PCED1B: variants seen among roughly 807,000 people sequenced by gnomAD.
PCED1B encodes PC-esterase domain-containing protein 1B.
For synonymous variants in PCED1B, 251 were observed against 246.1 expected, an observed-to-expected ratio of 1.02 and a Z score of -0.19; for missense variants, 573 against 573.9, an observed-to-expected ratio of 1.00 and a Z score of 0.02.
At chr12:47,135,777 G>A (rs573822006) in intron 2 of PCED1B, 10 of 521,900 alleles carry the variant, frequency 1.9e-5, no homozygotes, top group Middle Eastern at 3.8e-4. Context: ...CATGGTGAAC[G>A]CTGGAGGCAC....
chr12:47,146,062 A>G (rs917687528), intron 2 of PCED1B, among the ~76,000 whole-genome samples: 2 of 152,222 alleles, frequency 1.3e-5, no homozygotes, highest in Non-Finnish European at 2.9e-5. Context: ...AAGTCAAAAT[A>G]TCAACATTAA....
At position 47,154,319 on chromosome 12, in the gene PCED1B, C is replaced by T. The variant is rs549746264; in HGVS notation, c.-526+50124C>T. 5.9e-5 allele frequency among the ~76,000 whole-genome samples: 9 copies of T among 152,224 alleles called. No homozygotes were observed. In the South Asian group the frequency reaches 1.2e-3, roughly 21 times the overall value. On this transcript the variant is annotated intron_variant, in intron 2 of 3. Transcript: ENST00000546455. ...CTCTATGACTTCCTTATGAGCACTA[C>T]GAAAACACTCATTTGAATCATGCTT...
At chr12:47,197,968 AG>A (rs1942656235) in intron 2 of PCED1B, among the ~76,000 whole-genome samples, 1 of 152,264 alleles carries the variant, frequency 6.6e-6, no homozygotes, top group South Asian at 2.1e-4. Context: ...TGAACATTTA[AG>A]GAAGAAGTGA....
intron 2 of PCED1B, among the ~76,000 whole-genome samples, chr12:47,138,732 C>T (rs185118396): frequency 1.4e-4 from 22 of 152,296 alleles, no homozygotes; most frequent in Non-Finnish European, 2.4e-4. Context: ...TAGGGGTCTA[C>T]ACCATCCTTG....
chr12:47,113,965 A>ACAC (rs1555191180), intron 2 of PCED1B, among the ~76,000 whole-genome samples: 2 of 148,824 alleles, frequency 1.3e-5, no homozygotes, highest in Non-Finnish European at 3.0e-5. Context: ...AGAAAAAAAA[A>ACAC]ACACACACAC....
chr12:47,179,283 G>A (rs1189363208), intron 2 of PCED1B, among the ~76,000 whole-genome samples: 1 of 152,148 alleles, frequency 6.6e-6, no homozygotes, highest in Non-Finnish European at 1.5e-5. Flanking sequence ...AACTACGGAG[G>A]TCTGTTCTCA....
At chr12:47,172,367 T>G (rs1941778026) in intron 2 of PCED1B, among the ~76,000 whole-genome samples, 2 of 149,924 alleles carry the variant, frequency 1.3e-5, no homozygotes, top group South Asian at 4.3e-4. Flanking sequence ...TTTTTGGTTA[T>G]TTTTCAGTTC....
chr12:47,134,603 C>T (rs112995698), intron 2 of PCED1B, among the ~76,000 whole-genome samples: 166 of 152,346 alleles, frequency 1.1e-3, no homozygotes, highest in African/African-American at 3.8e-3. Flanking sequence ...GGTGCAGTGG[C>T]TCATGCCTGT....
intron 2 of PCED1B, among the ~76,000 whole-genome samples, chr12:47,215,212 A>C (rs945982773): frequency 6.6e-6 from 1 of 151,438 alleles, no homozygotes; most frequent in African/African-American, 2.4e-5. Context: ...AAGAAAACAA[A>C]TGCCTACACT....
intron 2 of PCED1B, among the ~76,000 whole-genome samples, chr12:47,165,896 CA>C (rs1426949038): frequency 6.6e-6 from 1 of 152,112 alleles, no homozygotes; most frequent in African/African-American, 2.4e-5. Flanking sequence ...AGTGACCAAG[CA>C]GAATCATATG....
chr12:47,196,557 G>A (rs537630678), intron 2 of PCED1B, among the ~76,000 whole-genome samples: 1 of 152,238 alleles, frequency 6.6e-6, no homozygotes, highest in Non-Finnish European at 1.5e-5. Context: ...GCTGGGCACC[G>A]TGGCTCACGC....
At position 47,227,638 on chromosome 12, in the gene PCED1B, G is replaced by A. The variant is rs531650908; in HGVS notation, c.-57-7369G>A. The stretch of plus-strand genomic sequence containing the variant: ...GGAGGGCGAGGTGAGTGGATCACTT[G>A]AGACCAGGAGTTCGAGACCAGCCTG... On this transcript the variant is annotated intron_variant, in intron 3 of 3. Coordinates refer to ENST00000546455, the MANE Select transcript of PCED1B (RefSeq NM_138371.3). 5.9e-5 allele frequency among the ~76,000 whole-genome samples: 9 copies of A among 152,084 alleles called. No individual in the cohort carries two copies. In the East Asian group the frequency reaches 1.6e-3, roughly 27 times the overall value.
chr12:47,223,441 T>C (rs570563154), intron 3 of PCED1B: 2 of 152,216 alleles, frequency 1.3e-5, no homozygotes, highest in Non-Finnish European at 2.9e-5. Context: ...AAGCAAGTTT[T>C]TTTTTTTAAA....
intron 2 of PCED1B, among the ~76,000 whole-genome samples, chr12:47,169,608 G>A (rs1449275861): frequency 6.6e-6 from 1 of 152,050 alleles, no homozygotes; most frequent in African/African-American, 2.4e-5. Context: ...ATTTCTAAAT[G>A]AAGTTCTCCT....
intron 2 of PCED1B, among the ~76,000 whole-genome samples, chr12:47,171,146 C>T (rs1941720091): frequency 6.8e-6 from 1 of 147,768 alleles, no homozygotes; most frequent in South Asian, 2.2e-4. Context: ...CGACTCACTG[C>T]AACCTCCGCC....
intron 1 of PCED1B, among the ~76,000 whole-genome samples, chr12:47,086,138 A>G (rs1206642177): frequency 6.6e-6 from 1 of 152,126 alleles, no homozygotes; most frequent in Non-Finnish European, 1.5e-5. Flanking sequence ...CTTATTGCCC[A>G]ATTGTCCATA....
intron 1 of PCED1B, among the ~76,000 whole-genome samples, chr12:47,085,934 A>C (rs1937958001): frequency 1.3e-5 from 2 of 151,922 alleles, no homozygotes; most frequent in Non-Finnish European, 2.9e-5. Context: ...GAAGTGACTC[A>C]GACCTCCCCT....
chr12:47,131,876 C>G (rs967913761), intron 2 of PCED1B, among the ~76,000 whole-genome samples: 2 of 151,976 alleles, frequency 1.3e-5, no homozygotes, highest in Non-Finnish European at 2.9e-5. Flanking sequence ...ACCATGTTGG[C>G]CAGGGTGGTC....
At chr12:47,170,505 G>A (rs915183793) in intron 2 of PCED1B, among the ~76,000 whole-genome samples, 5 of 144,580 alleles carry the variant, frequency 3.5e-5, no homozygotes, top group Non-Finnish European at 4.5e-5. Context: ...ATGGGGCGGC[G>A]GCCGGGCGGA....
Sources: allele counts gnomAD v4.1 joint callset (sites outside exome capture counted in the v4.1 genomes callset), GRCh38; gene constraint gnomAD v4.1.1; transcripts MANE v1.5; gene names NCBI Gene and HGNC (gene_info 2026-07-23, HGNC 2026-07-21).